The following LRCH2 variants were observed in gnomAD, a reference collection of about 807,000 sequenced individuals.
LRCH2 encodes the protein leucine-rich repeat and calponin homology domain-containing protein 2.
LRCH2 carries 38 observed loss-of-function variants against 68.9 expected under a neutral mutation model. That is an observed-to-expected ratio of 0.55 (90% CI 0.43 to 0.72). The LOEUF is 0.72. Among genes scored for constraint, LRCH2 ranks in the 30% least tolerant of loss-of-function variants. LRCH2 has a pLI of 0.00. For missense variants in LRCH2, 528 were observed against 572.9 expected (o/e 0.92, Z 0.80); for synonymous variants, 191 against 208.1 (o/e 0.92, Z 0.71).
chrX:115,135,063 A>G (rs1481694636), intron 14 of LRCH2, among the ~76,000 whole-genome samples: 2 of 109,849 alleles, frequency 1.8e-5, no homozygotes, highest in Non-Finnish European at 3.8e-5. Context: ...ATAACTGTAG[A>G]TGTGGTGGAA....
chrX:115,232,255 A>G (rs782407189), intron 1 of LRCH2, among the ~76,000 whole-genome samples: 1 of 110,031 alleles, frequency 9.1e-6, no homozygotes, highest in East Asian at 2.8e-4. Flanking sequence ...CAATAAGAAA[A>G]AAAAAAAAAA....
intron 1 of LRCH2, among the ~76,000 whole-genome samples, chrX:115,222,705 T>C (rs782083355): frequency 3.3e-4 from 37 of 112,143 alleles, no homozygotes; most frequent in African/African-American, 1.1e-3. Context: ...AAGATATAAA[T>C]AAATGAAAAG....
chrX:115,187,944 C>G (rs781809722), intron 2 of LRCH2, among the ~76,000 whole-genome samples: 15 of 112,834 alleles, frequency 1.3e-4, no homozygotes, highest in Non-Finnish European at 2.8e-4. Flanking sequence ...TGAGCATTGC[C>G]AAGGGGCCTG....
chrX:115,168,769 A>T (rs1226935932), intron 6 of LRCH2, among the ~76,000 whole-genome samples: 2 of 111,253 alleles, frequency 1.8e-5, no homozygotes, highest in East Asian at 5.6e-4. Context: ...GCTTACTTCC[A>T]ATCTATTCTC....
intron 1 of LRCH2, chrX:115,191,341 C>T (rs782360190): frequency 7.0e-6 from 8 of 1,147,210 alleles, no homozygotes; most frequent in South Asian, 3.9e-5. Flanking sequence ...CGAGGAGTAC[C>T]GAGGCCGCTC....
chrX:115,155,068 A>C (rs1345510215), intron 12 of LRCH2, among the ~76,000 whole-genome samples: 2 of 101,084 alleles, frequency 2.0e-5, no homozygotes, highest in Non-Finnish European at 4.0e-5. Flanking sequence ...AAAAAGAGAG[A>C]GAGAGAGAGA....
intron 1 of LRCH2, among the ~76,000 whole-genome samples, chrX:115,222,401 C>T (rs1367906569): frequency 4.5e-5 from 5 of 111,810 alleles, no homozygotes; most frequent in Non-Finnish European, 9.4e-5. Context: ...ACTAGAAGTT[C>T]TAACGGGGAC....
intron 20 of LRCH2, among the ~76,000 whole-genome samples, chrX:115,118,954 G>C (rs1353274514): frequency 5.4e-5 from 6 of 111,629 alleles, no homozygotes; most frequent in African/African-American, 1.6e-4. Flanking sequence ...AAAGAACTTT[G>C]ACAAAATTCA....
rs1556527889 is a variant in LRCH2, at chrX:115,125,860, G to T, written c.1791+983C>A. Among the ~76,000 whole-genome samples the T allele has an allele frequency of 4.7e-5, 5 of 107,299 alleles. No individual in the cohort carries two copies. The South Asian group carries it at 2.0e-3, about 43-fold the overall frequency. 93.2% of individuals were successfully genotyped at this position (107,299 alleles called of 115,157 possible). ...ATTTTAAGATATCCTAATTTAAATT[G>T]TTTTCTAAAAGTGTGTATACCATTT... On this transcript the variant is annotated intron_variant, in intron 16 of 20. Coordinates refer to ENST00000317135, the MANE Select transcript of LRCH2 (RefSeq NM_020871.4).
At chrX:115,225,463 T>C (rs906192438) in intron 1 of LRCH2, among the ~76,000 whole-genome samples, 2 of 111,625 alleles carry the variant, frequency 1.8e-5, no homozygotes, top group Admixed American at 1.9e-4. Context: ...TACATAAAAA[T>C]CGATTCCATA....
At chrX:115,229,600 T>C (rs1265834019) in intron 1 of LRCH2, among the ~76,000 whole-genome samples, 1 of 112,083 alleles carries the variant, frequency 8.9e-6, no homozygotes, top group Non-Finnish European at 1.9e-5. Context: ...GTTCAGTAAT[T>C]CAGATTCAAT....
At chrX:115,161,179 C>G (rs1300491149) in intron 11 of LRCH2, among the ~76,000 whole-genome samples, 2 of 111,158 alleles carry the variant, frequency 1.8e-5, no homozygotes, top group Admixed American at 9.6e-5. Flanking sequence ...ATGGCGAAAC[C>G]CCGTCTCTAC....
chrX:115,215,458 A>G (rs973197489), intron 1 of LRCH2, among the ~76,000 whole-genome samples: 68 of 111,275 alleles, frequency 6.1e-4, no homozygotes, highest in African/African-American at 2.0e-3. Context: ...TTATGATAAC[A>G]TAATTTGGCC....
intron 11 of LRCH2, among the ~76,000 whole-genome samples, chrX:115,159,401 T>G (rs1433461666): frequency 9.0e-6 from 1 of 110,595 alleles, no homozygotes; most frequent in African/African-American, 3.3e-5. Flanking sequence ...CAGATGCAAG[T>G]AGAAATAATA....
intron 3 of LRCH2, among the ~76,000 whole-genome samples, chrX:115,181,241 G>T (rs1482950618): frequency 4.5e-5 from 5 of 111,653 alleles, no homozygotes; most frequent in Non-Finnish European, 9.4e-5. Context: ...TATGACTTTA[G>T]CTTTTATTCT....
intron 1 of LRCH2, chrX:115,191,613 G>T (rs782003534): frequency 1.9e-6 from 2 of 1,070,482 alleles, no homozygotes; most frequent in South Asian, 2.2e-5. Context: ...GAGGCCGCTC[G>T]CCTGACACCT....
At chrX:115,171,424 TATTA>T (rs2072603966) in intron 5 of LRCH2, among the ~76,000 whole-genome samples, 1 of 111,202 alleles carries the variant, frequency 9.0e-6, no homozygotes, top group Non-Finnish European at 1.9e-5. Context: ...TTGATTTTTC[TATTA>T]ATTATAAATT....
intron 1 of LRCH2, among the ~76,000 whole-genome samples, chrX:115,188,647 A>G (rs2072752576): frequency 9.0e-6 from 1 of 111,480 alleles, no homozygotes; most frequent in African/African-American, 3.3e-5. Context: ...CCTGGCCAAC[A>G]TGGCGAAATC....
Position 115,149,858 on chromosome X carries a change from C to A in LRCH2, c.1664G>T (p.Arg555Leu). The A allele has an allele frequency of 8.4e-7, 1 of 1,197,494 alleles. No individual in the cohort carries two copies. The highest frequency in any genetic ancestry group is 2.2e-5 in the Admixed American group (1 of 45,232). ...PIIWQSEERR[R>L]SKQIRKEYFK... Reference sequence around the variant, plus strand: ...ATATTCTTTTCTAATCTGTTTGCTCCGCCTCCTTTCTTCACTCTGCCAGAT... The same window carrying A: ...ATATTCTTTTCTAATCTGTTTGCTCAGCCTCCTTTCTTCACTCTGCCAGAT... Residue 555 changes from arginine to leucine, a missense_variant, in exon 14 of 21, where the codon CGG (arginine) becomes CTG (leucine). Physicochemically the swap from Arg to Leu is moderately radical, Grantham distance 102 (BLOSUM62 -2). Transcript: ENST00000317135.
Sources: gnomAD v4.1 joint callset for allele counts (sites outside exome capture counted in the v4.1 genomes callset) on GRCh38, gnomAD v4.1.1 for gene constraint, MANE v1.5 for transcripts, NCBI Gene and HGNC (gene_info 2026-07-23, HGNC 2026-07-21) for gene names.